The following NSRP1 variants were observed in gnomAD, a reference collection of about 807,000 sequenced individuals.
NSRP1 encodes coiled-coil domain containing 55.
A neutral mutation model predicts 54.7 loss-of-function variants in NSRP1; 24 were observed. The observed-to-expected ratio is 0.44, with a 90% confidence interval of 0.32 to 0.62. The LOEUF is 0.62. Among genes scored for constraint, NSRP1 ranks in the 20% least tolerant of loss-of-function variants. The probability of loss-of-function intolerance (pLI) is 0.06; values close to 1 mark genes in which losing one functional copy is unlikely to be tolerated. For missense variants in NSRP1, 596 were observed against 651.2 expected, an observed-to-expected ratio of 0.92 and a Z score of 0.92; for synonymous variants, 210 against 213.8, an observed-to-expected ratio of 0.98 and a Z score of 0.15.
intron 2 of NSRP1, among the ~76,000 whole-genome samples, chr17:30,138,344 C>T (rs2071768097): frequency 6.6e-6 from 1 of 152,056 alleles, no homozygotes; most frequent in South Asian, 2.1e-4. Flanking sequence ...ACAATTGTCC[C>T]TTGGTGTCCT....
intron 2 of NSRP1, among the ~76,000 whole-genome samples, chr17:30,160,956 T>C (rs1177557218): frequency 6.6e-6 from 1 of 152,230 alleles, no homozygotes; most frequent in African/African-American, 2.4e-5. Flanking sequence ...CTTTTCTCAT[T>C]GCGTAACCAG....
intron 2 of NSRP1, among the ~76,000 whole-genome samples, chr17:30,139,324 T>G (rs1167967374): frequency 5.3e-5 from 8 of 152,164 alleles, no homozygotes; most frequent in Admixed American, 5.2e-4. Flanking sequence ...CTCCTTTTGG[T>G]GGGTTGCCTT....
At chr17:30,151,531 G>T (rs1337830923) in intron 2 of NSRP1, among the ~76,000 whole-genome samples, 1 of 152,130 alleles carries the variant, frequency 6.6e-6, no homozygotes, top group Non-Finnish European at 1.5e-5. Context: ...AGTAGAAGTG[G>T]ATCATCATAA....
At chr17:30,135,144 G>T (rs1477936860) in intron 2 of NSRP1, among the ~76,000 whole-genome samples, 2 of 151,930 alleles carry the variant, frequency 1.3e-5, no homozygotes, top group African/African-American at 4.8e-5. Context: ...TTTGAGACAG[G>T]GTCTTACTCT....
At chr17:30,143,367 T>C (rs2071823570) in intron 2 of NSRP1, among the ~76,000 whole-genome samples, 1 of 152,226 alleles carries the variant, frequency 6.6e-6, no homozygotes, top group African/African-American at 2.4e-5. Flanking sequence ...CCTTTGGGCT[T>C]TATCTGCAAG....
At chr17:30,139,196 C>G (rs527251000) in intron 2 of NSRP1, among the ~76,000 whole-genome samples, 1 of 152,060 alleles carries the variant, frequency 6.6e-6, no homozygotes, top group Admixed American at 6.5e-5. Flanking sequence ...GGATTACAGG[C>G]GTGAGCCACC....
chr17:30,144,122 T>A (rs1419569194), intron 2 of NSRP1: 1 of 152,038 alleles, frequency 6.6e-6, no homozygotes, highest in Admixed American at 6.5e-5. Context: ...TATACCGTTT[T>A]CCTTATGAGC....
intron 2 of NSRP1, among the ~76,000 whole-genome samples, chr17:30,131,098 T>C (rs1241294179): frequency 6.6e-6 from 1 of 152,226 alleles, no homozygotes; most frequent in Non-Finnish European, 1.5e-5. Flanking sequence ...TAAGGAAAAT[T>C]AAACAGGTAT....
intron 3 of NSRP1, 155 bp from the exon 4 acceptor site, chr17:30,177,916 C>T (rs1363800702): frequency 1.1e-6 from 1 of 884,456 alleles, no homozygotes. Flanking sequence ...ACCCAGGCAG[C>T]CTGGCTCCAG....
intron 2 of NSRP1, among the ~76,000 whole-genome samples, chr17:30,147,285 T>A (rs546512422): frequency 1.4e-5 from 2 of 148,064 alleles, no homozygotes; most frequent in East Asian, 2.1e-4. Context: ...TCCGCCACCA[T>A]GCCCCAGCTA....
intron 2 of NSRP1, among the ~76,000 whole-genome samples, chr17:30,141,918 C>T (rs746918960): frequency 1.7e-4 from 26 of 152,166 alleles, no homozygotes; most frequent in Non-Finnish European, 3.5e-4. Flanking sequence ...GTGGGAGGAT[C>T]GCTTGAGCCC....
chr17:30,130,642 G>T (rs1351231796), intron 2 of NSRP1, among the ~76,000 whole-genome samples: 2 of 152,090 alleles, frequency 1.3e-5, no homozygotes, highest in Admixed American at 6.6e-5. Context: ...TTATGAGGAA[G>T]TACAACACTA....
chr17:30,172,488 G>T (rs1462604919), intron 2 of NSRP1, 54 bp from the exon 3 acceptor site: 2 of 1,476,546 alleles, frequency 1.4e-6, no homozygotes, highest in Non-Finnish European at 9.3e-7. Flanking sequence ...CGCTCGTACT[G>T]GAAAAGAAAT....
chr17:30,121,539 C>CA (rs2071596711), intron 2 of NSRP1, among the ~76,000 whole-genome samples: 1 of 140,038 alleles, frequency 7.1e-6, no homozygotes, highest in Non-Finnish European at 1.5e-5. Context: ...TTAAAGTGTA[C>CA]AATTCACTGT....
chr17:30,144,283 C>A, intron 2 of NSRP1: 1 of 145,840 alleles, frequency 6.9e-6, no homozygotes. Context: ...TTTTTTGAAG[C>A]AGAGTCTCAC....
At chr17:30,183,750 T>C (rs545412717) in intron 6 of NSRP1, among the ~76,000 whole-genome samples, 2 of 152,294 alleles carry the variant, frequency 1.3e-5, no homozygotes, top group East Asian at 3.9e-4. Flanking sequence ...TTGATTCTAA[T>C]GGACAAATTA....
chr17:30,184,956 A>G lies in NSRP1; in HGVS notation c.959A>G (p.His320Arg). ...SRGHEKREDQ[H>R]QQKQSRDQEN... is the part of the protein sequence containing the mutation. Reference sequence around the variant, plus strand: ...GGACATGAGAAAAGGGAAGATCAGCACCAGCAGAAGCAATCCAGAGACCAA... The same window carrying G: ...GGACATGAGAAAAGGGAAGATCAGCGCCAGCAGAAGCAATCCAGAGACCAA... Residue 320 changes from histidine to arginine, a missense_variant, in exon 7 of 7, where the codon CAC becomes CGC. Transcript: ENST00000247026. The G allele has an allele frequency of 6.2e-7, 1 of 1,614,142 alleles. No homozygotes were observed.
intron 2 of NSRP1, among the ~76,000 whole-genome samples, chr17:30,136,480 A>G (rs1049396247): frequency 6.6e-6 from 1 of 152,154 alleles, no homozygotes; most frequent in Non-Finnish European, 1.5e-5. Context: ...GAATTATCTC[A>G]TGTAATCATG....
At chr17:30,174,595 G>T (rs957362401) in intron 3 of NSRP1, among the ~76,000 whole-genome samples, 1 of 152,160 alleles carries the variant, frequency 6.6e-6, no homozygotes, top group Non-Finnish European at 1.5e-5. Context: ...TATGTCATCA[G>T]TAAATAAAAC....
Sources: gnomAD v4.1 joint callset for allele counts (sites outside exome capture counted in the v4.1 genomes callset) on GRCh38, gnomAD v4.1.1 for gene constraint, MANE v1.5 for transcripts, NCBI Gene and HGNC (gene_info 2026-07-23, HGNC 2026-07-21) for gene names.